Variants in PRKCB observed in about 807,000 individuals in gnomAD.
PRKCB encodes the protein protein kinase C beta, also known as protein kinase C beta type.
PRKCB carries 13 observed loss-of-function variants against 81.5 expected under a neutral mutation model. The observed-to-expected ratio is 0.16, with a 90% CI of 0.10 to 0.25. PRKCB has a LOEUF of 0.25. Among genes scored for constraint, PRKCB ranks in the 10% least tolerant of loss-of-function variants. The probability of loss-of-function intolerance (pLI) is 1.00; values close to 1 mark genes in which losing one functional copy is unlikely to be tolerated. For synonymous variants in PRKCB, 335 were observed against 321.4 expected (o/e 1.04, Z -0.45); for missense variants, 509 against 875.7 (o/e 0.58, Z 5.29).
chr16:24,111,369 T>C (rs1357024292), intron 7 of PRKCB: 2 of 152,194 alleles, frequency 1.3e-5, no homozygotes, highest in Non-Finnish European at 1.5e-5. Context: ...GGGTCTTTTT[T>C]CTTTCCCACT....
intron 15 of PRKCB, among the ~76,000 whole-genome samples, chr16:24,186,256 C>T (rs1440674165): frequency 2.6e-5 from 4 of 152,128 alleles, no homozygotes; most frequent in Admixed American, 1.3e-4. Context: ...TAAAGATCAG[C>T]GACCCTCACC....
chr16:23,935,811 G>A (rs1449756524), intron 2 of PRKCB, among the ~76,000 whole-genome samples: 1 of 152,142 alleles, frequency 6.6e-6, no homozygotes, highest in East Asian at 1.9e-4. Context: ...TCACTGATAA[G>A]GGAGAGCTAA....
intron 7 of PRKCB, among the ~76,000 whole-genome samples, chr16:24,101,085 C>G (rs1217795249): frequency 6.6e-6 from 1 of 152,154 alleles, no homozygotes; most frequent in Non-Finnish European, 1.5e-5. Context: ...GTGATTTTAT[C>G]TATAGGAGCA....
chr16:24,161,117 A>G (rs957954477), intron 10 of PRKCB, among the ~76,000 whole-genome samples: 3 of 152,192 alleles, frequency 2.0e-5, no homozygotes, highest in Admixed American at 6.5e-5. Flanking sequence ...AGGCTCTTAA[A>G]AAATCTCAAA....
intron 9 of PRKCB, among the ~76,000 whole-genome samples, chr16:24,130,297 T>A (rs1966851524): frequency 6.6e-6 from 1 of 152,124 alleles, no homozygotes; most frequent in Non-Finnish European, 1.5e-5. Context: ...AACTGTGATG[T>A]TTAGTATGTT....
intron 5 of PRKCB, among the ~76,000 whole-genome samples, chr16:24,042,603 A>G (rs1201430217): frequency 6.6e-6 from 1 of 152,182 alleles, no homozygotes; most frequent in Non-Finnish European, 1.5e-5. Context: ...ACACATTTCA[A>G]AGTAAACTGC....
At chr16:24,209,602 A>G (rs938700124) in intron 16 of PRKCB, among the ~76,000 whole-genome samples, 1 of 151,836 alleles carries the variant, frequency 6.6e-6, no homozygotes, top group African/African-American at 2.4e-5. Flanking sequence ...CCCACACCCA[A>G]TCCATCAGCA....
At chr16:23,854,145 C>G (rs2141084808) in intron 2 of PRKCB, among the ~76,000 whole-genome samples, 1 of 151,676 alleles carries the variant, frequency 6.6e-6, no homozygotes, top group African/African-American at 2.4e-5. Flanking sequence ...ATTATGAGAG[C>G]TACAATTCAA....
intron 9 of PRKCB, among the ~76,000 whole-genome samples, chr16:24,135,348 C>T: frequency 7.8e-6 from 1 of 127,566 alleles, no homozygotes. Flanking sequence ...GAGACAGAGT[C>T]TTGCTCTGTT....
At chr16:23,943,519 A>ACTCT (rs141537372) in intron 2 of PRKCB, among the ~76,000 whole-genome samples, 4 of 149,162 alleles carry the variant, frequency 2.7e-5, no homozygotes, top group African/African-American at 9.8e-5. Flanking sequence ...ATAGAGTGAG[A>ACTCT]CTCTCTCTCT....
At chr16:24,056,592 G>A (rs940073794) in intron 5 of PRKCB, among the ~76,000 whole-genome samples, 4 of 152,176 alleles carry the variant, frequency 2.6e-5, no homozygotes, top group African/African-American at 7.2e-5. Flanking sequence ...GACACCTCAT[G>A]CCTGGCTTGG....
At chr16:24,030,539 G>A (rs537086013) in intron 3 of PRKCB, among the ~76,000 whole-genome samples, 26 of 152,174 alleles carry the variant, frequency 1.7e-4, no homozygotes, top group Middle Eastern at 3.4e-3. Context: ...TATAAGGAGA[G>A]CACTAGCATT....
At chr16:24,019,818 C>T (rs1965335624) in intron 3 of PRKCB, among the ~76,000 whole-genome samples, 1 of 151,848 alleles carries the variant, frequency 6.6e-6, no homozygotes, top group Non-Finnish European at 1.5e-5. Flanking sequence ...CAGAGAACTT[C>T]CTCATTGTAC....
At chr16:23,916,220 A>ATTTTTTT (rs10678336) in intron 2 of PRKCB, among the ~76,000 whole-genome samples, 1 of 112,888 alleles carries the variant, frequency 8.9e-6, no homozygotes, top group Non-Finnish European at 1.8e-5. Context: ...CATGTGGCTA[A>ATTTTTTT]TTTTTTTTTT....
intron 3 of PRKCB, among the ~76,000 whole-genome samples, chr16:24,030,589 A>T (rs747954787): frequency 6.6e-6 from 1 of 152,008 alleles, no homozygotes; most frequent in Non-Finnish European, 1.5e-5. Flanking sequence ...GCACAAAAAG[A>T]TCAAATTAGC....
At chr16:23,887,254 G>T (rs1460958830) in intron 2 of PRKCB, among the ~76,000 whole-genome samples, 1 of 152,070 alleles carries the variant, frequency 6.6e-6, no homozygotes, top group Non-Finnish European at 1.5e-5. Flanking sequence ...TTGTCACATG[G>T]GTATATTGCG....
intron 9 of PRKCB, among the ~76,000 whole-genome samples, chr16:24,144,147 G>GAGAA (rs1421446965): frequency 6.6e-6 from 1 of 151,430 alleles, no homozygotes; most frequent in Admixed American, 6.6e-5. Flanking sequence ...AAGAGAGAGA[G>GAGAA]AGAAAGAGAG....
intron 10 of PRKCB, among the ~76,000 whole-genome samples, chr16:24,162,707 G>A (rs1420041871): frequency 1.3e-5 from 2 of 152,070 alleles, no homozygotes; most frequent in African/African-American, 2.4e-5. Flanking sequence ...CCATACCTCA[G>A]CCTCCCAAAG....
At chr16:24,174,707 G>A in intron 12 of PRKCB, 127 bp downstream of exon 12, 1 of 891,404 alleles carries the variant, frequency 1.1e-6, no homozygotes. Flanking sequence ...AACTAACTTG[G>A]GCATGTGTTC....
Sources: allele counts gnomAD v4.1 joint callset (sites outside exome capture counted in the v4.1 genomes callset), GRCh38; gene constraint gnomAD v4.1.1; transcripts MANE v1.5; gene names NCBI Gene and HGNC (gene_info 2026-07-23, HGNC 2026-07-21).